Variants in PHACTR3 observed in about 807,000 individuals in gnomAD.
PHACTR3 encodes the protein protein phosphatase 1, regulatory subunit 123.
A neutral mutation model predicts 66.8 loss-of-function variants in PHACTR3; 16 were observed. That is an observed-to-expected ratio of 0.24 (90% confidence interval 0.16 to 0.36). PHACTR3 has a LOEUF of 0.36. Ranked by LOEUF, PHACTR3 falls within the 10% of genes least tolerant of loss-of-function variation. The probability of loss-of-function intolerance (pLI) is 1.00; values close to 1 mark genes in which losing one functional copy is unlikely to be tolerated. For synonymous variants in PHACTR3, 323 were observed against 292.1 expected (o/e 1.11, Z -1.08); for missense variants, 647 against 719.9 (o/e 0.90, Z 1.16).
At chr20:59,778,796 G>A (rs574035791) in intron 7 of PHACTR3, among the ~76,000 whole-genome samples, 3 of 152,328 alleles carry the variant, frequency 2.0e-5, no homozygotes, top group South Asian at 2.1e-4. Flanking sequence ...TCCCTGGACT[G>A]TTTCTCCCAT....
intron 8 of PHACTR3, among the ~76,000 whole-genome samples, chr20:59,807,783 T>G (rs917706944): frequency 6.6e-6 from 1 of 152,230 alleles, no homozygotes; most frequent in Admixed American, 6.5e-5. Flanking sequence ...AACTATCTTA[T>G]ATGTGTCGTA....
chr20:59,736,706 T>C lies in PHACTR3; in HGVS notation c.119-6401T>C, dbSNP rs2038959299. Among the ~76,000 whole-genome samples the C allele has an allele frequency of 6.6e-6, 1 of 152,190 alleles. No homozygotes were observed. The highest frequency in any genetic ancestry group is 6.5e-5 in the Admixed American group (1 of 15,292). On this transcript the variant is annotated intron_variant, in intron 1 of 12. Coordinates refer to ENST00000371015, the MANE Select transcript of PHACTR3 (RefSeq NM_080672.5). This position sits in a 1 kb window ranked among gnomAD's most constrained non-coding sequence, Gnocchi z 4.6. ...CTGCCCCGCTGTACACCTGCAGTGATGGGCTCATGTCCTCTGCCCTTGGAG... is the reference window on the plus strand; with the variant it reads ...CTGCCCCGCTGTACACCTGCAGTGACGGGCTCATGTCCTCTGCCCTTGGAG...
chr20:59,780,758 A>G (rs1167888536), intron 7 of PHACTR3, among the ~76,000 whole-genome samples: 2 of 152,136 alleles, frequency 1.3e-5, no homozygotes, highest in African/African-American at 2.4e-5. Context: ...TGACCACCCC[A>G]CGTGCCTCGA....
chr20:59,581,898 T>G (rs1319117952), intron 1 of PHACTR3, among the ~76,000 whole-genome samples: 1 of 145,470 alleles, frequency 6.9e-6, no homozygotes, highest in Admixed American at 6.9e-5. Flanking sequence ...AAAAAAAAAG[T>G]CCTAGCCTGT....
chr20:59,651,060 T>TA (rs200270841), intron 1 of PHACTR3, among the ~76,000 whole-genome samples: 34 of 151,538 alleles, frequency 2.2e-4, no homozygotes, highest in Middle Eastern at 3.4e-3. Flanking sequence ...TTGAAACTGT[T>TA]AAAAAAAAAT....
At chr20:59,776,717 G>A (rs146894967) in intron 7 of PHACTR3, among the ~76,000 whole-genome samples, 1 of 141,576 alleles carries the variant, frequency 7.1e-6, no homozygotes, top group South Asian at 2.3e-4. Context: ...CTCAGGCCTG[G>A]CCCGGATATG....
chr20:59,615,390 T>A (rs2033992141), intron 1 of PHACTR3, among the ~76,000 whole-genome samples: 2 of 152,158 alleles, frequency 1.3e-5, no homozygotes. Flanking sequence ...TGGAGCATGG[T>A]GTGAGGGTAT....
intron 5 of PHACTR3, among the ~76,000 whole-genome samples, chr20:59,771,539 C>A (rs564410719): frequency 1.3e-5 from 2 of 152,068 alleles, no homozygotes; most frequent in Admixed American, 6.5e-5. Context: ...CACCTCCCCC[C>A]GACCAGCCCA....
intron 1 of PHACTR3, among the ~76,000 whole-genome samples, chr20:59,606,689 T>A (rs2033682141): frequency 6.6e-6 from 1 of 152,086 alleles, no homozygotes; most frequent in South Asian, 2.1e-4. Context: ...GAAATGGAAA[T>A]TATGGAGGAC....
intron 1 of PHACTR3, among the ~76,000 whole-genome samples, chr20:59,631,300 C>T (rs908509577): frequency 6.6e-6 from 1 of 152,134 alleles, no homozygotes; most frequent in African/African-American, 2.4e-5. Context: ...GATTCTGACG[C>T]TTGGGTAGGG....
At chr20:59,791,539 C>T (rs974858311) in intron 7 of PHACTR3, among the ~76,000 whole-genome samples, 5 of 152,030 alleles carry the variant, frequency 3.3e-5, no homozygotes, top group Non-Finnish European at 7.4e-5. Context: ...GAGCACTGCC[C>T]AGAGGAGTGG....
intron 1 of PHACTR3, among the ~76,000 whole-genome samples, chr20:59,644,087 T>C (rs1272161971): frequency 6.6e-6 from 1 of 152,114 alleles, no homozygotes; most frequent in Non-Finnish European, 1.5e-5. Context: ...GAGAAACTGC[T>C]AAAGGTTATG....
At chr20:59,659,274 G>A (rs2035731776) in intron 1 of PHACTR3, among the ~76,000 whole-genome samples, 2 of 151,628 alleles carry the variant, frequency 1.3e-5, no homozygotes, top group African/African-American at 4.9e-5. Flanking sequence ...TACATGTCAG[G>A]CATTCTGTGT....
chr20:59,675,397 C>T (rs1462685056), intron 1 of PHACTR3, among the ~76,000 whole-genome samples: 2 of 152,096 alleles, frequency 1.3e-5, no homozygotes, highest in African/African-American at 2.4e-5. Context: ...GAGTCCAGCT[C>T]CTCCATCCCC....
chr20:59,674,391 T>A (rs1727625301), intron 1 of PHACTR3, among the ~76,000 whole-genome samples: 1 of 143,832 alleles, frequency 7.0e-6, no homozygotes, highest in Non-Finnish European at 1.5e-5. Context: ...CCCCTTCTCC[T>A]GTTCCTCCTT....
intron 7 of PHACTR3, among the ~76,000 whole-genome samples, chr20:59,775,538 C>G (rs1033277043): frequency 6.6e-6 from 1 of 152,102 alleles, no homozygotes; most frequent in Non-Finnish European, 1.5e-5. Flanking sequence ...GCCTTTCCAC[C>G]GGGTCCGAGG....
At chr20:59,817,554 G>T (rs1403729336) in intron 8 of PHACTR3, among the ~76,000 whole-genome samples, 2 of 152,250 alleles carry the variant, frequency 1.3e-5, no homozygotes, top group Non-Finnish European at 2.9e-5. Context: ...GTGGGGGATG[G>T]TGTCTTCACA....
intron 1 of PHACTR3, among the ~76,000 whole-genome samples, chr20:59,672,582 G>A (rs1237828328): frequency 6.6e-6 from 1 of 152,210 alleles, no homozygotes; most frequent in Admixed American, 6.5e-5. Context: ...GAGGAATAGG[G>A]CAGCCTCTAA....
intron 1 of PHACTR3, among the ~76,000 whole-genome samples, chr20:59,705,262 T>G (rs962296111): frequency 1.3e-5 from 2 of 152,182 alleles, no homozygotes; most frequent in African/African-American, 2.4e-5. Context: ...CTGGCCAGTA[T>G]TTGAGAATTT....
Sources: gnomAD v4.1 joint callset for allele counts (sites outside exome capture counted in the v4.1 genomes callset) on GRCh38, gnomAD v4.1.1 for gene constraint, Gnocchi (gnomAD v3.1) non-coding constraint, MANE v1.5 for transcripts, NCBI Gene and HGNC (gene_info 2026-07-23, HGNC 2026-07-21) for gene names.